LRRC38: variants seen among roughly 807,000 people sequenced by gnomAD.
LRRC38 encodes leucine-rich repeat-containing protein 38.
LRRC38 carries 5 observed loss-of-function variants against 16.4 expected under a neutral mutation model. The ratio of observed to expected loss-of-function variants is 0.31; its 90% CI spans 0.16 to 0.64. The LOEUF is 0.64. Among genes scored for constraint, LRRC38 ranks in the 30% least tolerant of loss-of-function variants. LRRC38 has a pLI of 0.80. For missense variants in LRRC38, 341 were observed against 401.8 expected, an observed-to-expected ratio of 0.85 and a Z score of 1.29; for synonymous variants, 191 against 190.2, an observed-to-expected ratio of 1.00 and a Z score of -0.04.
chr1:13,491,971 C>T (rs181352005), intron 1 of LRRC38, among the ~76,000 whole-genome samples: 20 of 152,226 alleles, frequency 1.3e-4, no homozygotes, highest in African/African-American at 3.9e-4. Context: ...CCCCAGCGCC[C>T]GGCCAAATCT....
At chr1:13,482,990 G>A (rs1348615688) in intron 1 of LRRC38, among the ~76,000 whole-genome samples, 3 of 152,154 alleles carry the variant, frequency 2.0e-5, no homozygotes, top group Non-Finnish European at 4.4e-5. Context: ...GCAGGGAAAT[G>A]CCAGAGCTGG....
At chr1:13,508,152 G>C (rs1163135315) in intron 1 of LRRC38, among the ~76,000 whole-genome samples, 2 of 150,438 alleles carry the variant, frequency 1.3e-5, no homozygotes, top group East Asian at 4.0e-4. Context: ...CAGTAGAAGA[G>C]CTTGAACCTG....
chr1:13,477,187 T>C (rs1638797529), intron 1 of LRRC38, among the ~76,000 whole-genome samples: 1 of 152,204 alleles, frequency 6.6e-6, no homozygotes, highest in Non-Finnish European at 1.5e-5. Flanking sequence ...ACAACCGGGT[T>C]GGTGATATAC....
intron 1 of LRRC38, among the ~76,000 whole-genome samples, chr1:13,505,662 T>C (rs1231603180): frequency 6.6e-6 from 1 of 152,140 alleles, no homozygotes; most frequent in Non-Finnish European, 1.5e-5. Flanking sequence ...CCTCAGTGAA[T>C]GTTACGACGT....
rs564132481 is a variant in LRRC38, at chr1:13,503,428, C to G, written c.631+9535G>C. ...GGACTACAGGCATGCTCCACCATGC[C>G]TGGCTAATTTTTGGATTTTTAGTAG... On this transcript the variant is annotated intron_variant, in intron 1 of 1. Coordinates refer to ENST00000376085, the MANE Select transcript of LRRC38 (RefSeq NM_001010847.2). 2.6e-5 allele frequency among the ~76,000 whole-genome samples: 4 copies of G among 152,266 alleles called. No individual in the cohort carries two copies. In the South Asian group the frequency reaches 8.3e-4, roughly 32 times the overall value.
At position 13,513,344 on chromosome 1, in the gene LRRC38, A is replaced by G. The variant is rs1280759136; in HGVS notation, c.250T>C (p.Tyr84His). ...DFFIFYGDLV[Y>H]LDFRNNSLRS... ...AGCGAGTTGTTCCTGAAGTCCAGGTAGACCAGGTCGCCGTAGAAGATGAAG... is the reference window on the plus strand; with the variant it reads ...AGCGAGTTGTTCCTGAAGTCCAGGTGGACCAGGTCGCCGTAGAAGATGAAG... Residue 84 changes from tyrosine to histidine, a missense_variant, in exon 1 of 2, where the codon TAC becomes CAC. Physicochemically the swap from Tyr to His is moderately conservative, Grantham distance 83. Transcript: ENST00000376085. The G allele has an allele frequency of 3.2e-6, 5 of 1,550,922 alleles. No individual in the cohort carries two copies. In the Admixed American group the frequency reaches 9.8e-5, roughly 30 times the overall value.
chr1:13,499,247 C>T (rs1472303387), intron 1 of LRRC38, among the ~76,000 whole-genome samples: 1 of 152,028 alleles, frequency 6.6e-6, no homozygotes, highest in Non-Finnish European at 1.5e-5. Context: ...TACAGGTGCC[C>T]GCCACCAAAC....
intron 1 of LRRC38, among the ~76,000 whole-genome samples, chr1:13,483,626 C>T (rs1029885312): frequency 2.6e-5 from 4 of 152,078 alleles, no homozygotes; most frequent in Non-Finnish European, 4.4e-5. Flanking sequence ...AGAGATGCTG[C>T]CCACGTTAGG....
chr1:13,500,825 C>A (rs374469785), intron 1 of LRRC38, among the ~76,000 whole-genome samples: 1 of 152,020 alleles, frequency 6.6e-6, no homozygotes, highest in South Asian at 2.1e-4. Flanking sequence ...AGAAAGCATA[C>A]GAAAGAGAAA....
chr1:13,478,336 G>A (rs527916314), intron 1 of LRRC38, among the ~76,000 whole-genome samples: 1 of 152,358 alleles, frequency 6.6e-6, no homozygotes, highest in African/African-American at 2.4e-5. Context: ...GGTAAGTACT[G>A]TTATTATGCC....
intron 1 of LRRC38, among the ~76,000 whole-genome samples, chr1:13,492,881 A>G (rs1569924164): frequency 2.0e-5 from 3 of 152,206 alleles, no homozygotes; most frequent in Non-Finnish European, 2.9e-5. Flanking sequence ...AAAAGATGTG[A>G]CGCATCTCTG....
chr1:13,477,205 C>G (rs1638797615), intron 1 of LRRC38, among the ~76,000 whole-genome samples: 1 of 152,230 alleles, frequency 6.6e-6, no homozygotes, highest in Non-Finnish European at 1.5e-5. Flanking sequence ...TACAAGGCAA[C>G]TAAGTCCTCT....
At chr1:13,505,667 C>T (rs989698704) in intron 1 of LRRC38, among the ~76,000 whole-genome samples, 2 of 152,052 alleles carry the variant, frequency 1.3e-5, no homozygotes, top group Non-Finnish European at 2.9e-5. Context: ...GTGAATGTTA[C>T]GACGTAACTA....
chr1:13,502,410 C>T (rs1639161940), intron 1 of LRRC38, among the ~76,000 whole-genome samples: 1 of 152,156 alleles, frequency 6.6e-6, no homozygotes, highest in Non-Finnish European at 1.5e-5. Context: ...CTTCCCCAGC[C>T]TTGCTGCTCC....
In LRRC38 at chr1:13,512,951, G is replaced by A. The variant is rs1162083122; in HGVS notation, c.631+12C>T. ...CCTCCCTCCCTCCCCCAGCCTAGCCGGCTCGGCTCACCTTTGGGCAGTTTG... is the reference window on the plus strand; with the variant it reads ...CCTCCCTCCCTCCCCCAGCCTAGCCAGCTCGGCTCACCTTTGGGCAGTTTG... On this transcript the variant is annotated intron_variant, in intron 1 of 1. Coordinates refer to ENST00000376085, the MANE Select transcript of LRRC38 (RefSeq NM_001010847.2). The A allele has an allele frequency of 3.5e-6, 2 of 564,664 alleles. No homozygotes were observed. The highest frequency in any genetic ancestry group is 2.1e-5 in the African/African-American group (1 of 46,960). The allele number at this position is 564,664 out of a possible 1,614,324, so 35.0% of individuals were successfully genotyped here.
chr1:13,498,728 C>T (rs1639111590), intron 1 of LRRC38, among the ~76,000 whole-genome samples: 1 of 152,236 alleles, frequency 6.6e-6, no homozygotes, highest in African/African-American at 2.4e-5. Context: ...GGCAAGTGAG[C>T]TGTTGGCATT....
At chr1:13,512,929 C>CCCTT in intron 1 of LRRC38, 34 bp downstream of exon 1, 1 of 1,184,650 alleles carries the variant, frequency 8.4e-7, no homozygotes. Context: ...CTGCCCCCCT[C>CCCTT]CCTCCCTCCC....
Position 13,476,098 on chromosome 1 carries a change from G to T in LRRC38, c.633C>A (p.Gly211=), listed in dbSNP as rs1262168882. Residue 211 remains glycine, a splice_region_variant and synonymous_variant, in exon 2 of 2, where the codon GGC becomes GGA. Transcript: ENST00000376085. ...GCAGGGAGCACTGGATTTCATCAAGGCCTGAGAAAAGGCAGGCAGAGGAGA... is the reference window on the plus strand; with the variant it reads ...GCAGGGAGCACTGGATTTCATCAAGTCCTGAGAAAAGGCAGGCAGAGGAGA... ...IQENASKLPK[G]LDEIQCSLPM... 17 of 1,550,312 alleles carry T rather than the reference G, an allele frequency of 1.1e-5. No homozygotes were observed. Among genetic ancestry groups the T allele is most frequent in the East Asian group, 2.4e-5 (1 of 40,904 alleles).
rs772851849 is a variant in LRRC38 at position 13,475,783 on chromosome 1, C to T, written c.*63G>A. The T allele has an allele frequency of 4.6e-6, 7 of 1,521,262 alleles. No homozygotes were observed. Among genetic ancestry groups the T allele is most frequent in the Non-Finnish European group, 5.3e-6 (6 of 1,131,020 alleles). 94.2% of individuals were successfully genotyped at this position (1,521,262 alleles called of 1,614,324 possible). On this transcript the variant is annotated 3_prime_UTR_variant, in exon 2 of 2. Transcript: ENST00000376085. The surrounding 1 kb of genome is among the most constrained non-coding windows in gnomAD (Gnocchi z 4.3). ...GCTTTTCCATTTTCAGCATTTCCCT[C>T]TCGTCTTGGAGAGAGCTTCTGGTTC...
Sources: gnomAD v4.1 joint callset for allele counts (sites outside exome capture counted in the v4.1 genomes callset) on GRCh38, gnomAD v4.1.1 for gene constraint, Gnocchi (gnomAD v3.1) non-coding constraint, MANE v1.5 for transcripts, NCBI Gene and HGNC (gene_info 2026-07-23, HGNC 2026-07-21) for gene names.